C5orf58: variants seen among roughly 807,000 people sequenced by gnomAD.
C5orf58 encodes putative uncharacterized protein C5orf58.
C5orf58 carries 2 observed loss-of-function variants against 2.9 expected under a neutral mutation model. The ratio of observed to expected loss-of-function variants is 0.69; its 90% CI spans 0.28 to 2.18. The LOEUF (loss-of-function observed/expected upper bound fraction) is 2.18. Ranked by LOEUF, C5orf58 falls within the 30% of genes most tolerant of loss-of-function variation. The probability of loss-of-function intolerance (pLI) is 0.13; values close to 1 mark genes in which losing one functional copy is unlikely to be tolerated. For missense variants in C5orf58, 96 were observed against 91.7 expected (o/e 1.05, Z -0.19); for synonymous variants, 37 against 33.4 (o/e 1.11, Z -0.37).
chr5:170,246,274 T>A, downstream of C5orf58: 1 of 592,004 alleles, frequency 1.7e-6, no homozygotes, highest in Non-Finnish European at 2.8e-6. Flanking sequence ...AAGAATGGCT[T>A]AACTTACGTC....
chr5:170,237,953 T>C (rs892882514), intron 3 of C5orf58, among the ~76,000 whole-genome samples: 2 of 152,300 alleles, frequency 1.3e-5, no homozygotes, highest in East Asian at 3.9e-4. Flanking sequence ...ACCCACCAAG[T>C]AGATTTTTCT....
chr5:170,242,181 A>C (rs996333460), intron 3 of C5orf58, among the ~76,000 whole-genome samples: 4 of 150,678 alleles, frequency 2.7e-5, no homozygotes, highest in African/African-American at 9.8e-5. Context: ...TCGTTTTGCC[A>C]GTATTTTATT....
chr5:170,246,095 T>A lies in C5orf58; in HGVS notation c.228T>A (p.Ser76=), dbSNP rs748924232. The change falls in exon 4 of 4, where the codon TCT becomes TCA. Residue 76 remains serine (S), a synonymous_variant. Coordinates refer to ENST00000593851, the MANE Select transcript of C5orf58 (RefSeq NM_001102609.3). Reference sequence around the variant, plus strand: ...AAATATCAGATGTATCCCTTGTTTCTAACAGTTTTTCTATCTGATTTCTTA... The same window carrying A: ...AAATATCAGATGTATCCCTTGTTTCAAACAGTTTTTCTATCTGATTTCTTA... ...ESKISDVSLV[S]NSFSI The A allele has an allele frequency of 6.2e-7, 1 of 1,610,380 alleles. No individual in the cohort carries two copies. Among genetic ancestry groups the A allele is most frequent in the Non-Finnish European group, 8.5e-7 (1 of 1,178,456 alleles).
At chr5:170,250,864 C>G, downstream of C5orf58, 1 of 1,613,642 alleles carries the variant, frequency 6.2e-7, no homozygotes, top group Non-Finnish European at 8.5e-7. Context: ...TTAGAGCTGT[C>G]TCTGACCAGA....
At chr5:170,239,881 C>T (rs1760913763) in intron 3 of C5orf58, among the ~76,000 whole-genome samples, 1 of 152,062 alleles carries the variant, frequency 6.6e-6, no homozygotes, top group South Asian at 2.1e-4. Flanking sequence ...CCCACTAACT[C>T]GTCATCTAGC....
chr5:170,233,845 G>T, intron 1 of C5orf58: 1 of 337,890 alleles, frequency 3.0e-6, no homozygotes, highest in Non-Finnish European at 5.7e-6. Context: ...GGGTGCTCGA[G>T]GGCCTAGGAG....
downstream of C5orf58, chr5:170,248,492 T>C (rs1335153749): frequency 7.8e-6 from 4 of 512,128 alleles, no homozygotes; most frequent in Non-Finnish European, 1.4e-5. Flanking sequence ...TCATGCACTT[T>C]ACAAACATTG....
intron 3 of C5orf58, among the ~76,000 whole-genome samples, chr5:170,240,915 C>T (rs1329905653): frequency 1.8e-4 from 28 of 152,038 alleles, no homozygotes; most frequent in Admixed American, 5.2e-4. Context: ...TTAGGTCTAA[C>T]GCTTAAGTCT....
In C5orf58 at chr5:170,235,018, C is replaced by T. The variant is rs1481812225; in HGVS notation, c.42C>T (p.Asp14=). ...TTACTGATCATAAGCTAAATGTGGA[C>T]AAAGTAATTAAAAATATTAACACAA... is the stretch of plus-strand genomic sequence containing the variant. ...KRVTDHKLNV[D]KVIKNINTIS... is the part of the protein sequence containing the mutation. The change falls in exon 3 of 4, where the codon GAC becomes GAT. Residue 14 remains aspartate, a synonymous_variant. Transcript: ENST00000593851. 1.1e-5 allele frequency: 17 copies of T among 1,550,748 alleles called. No homozygotes were observed. The highest frequency in any genetic ancestry group is 1.5e-5 in the Non-Finnish European group (17 of 1,132,638).
chr5:170,249,494 TTTTTGG>T (rs995898063), downstream of C5orf58, among the ~76,000 whole-genome samples: 8 of 151,824 alleles, frequency 5.3e-5, no homozygotes, highest in Non-Finnish European at 1.0e-4. Flanking sequence ...GGTTGCTCTG[TTTTTGG>T]TTTTGGTTTT....
chr5:170,245,837 A>C lies in C5orf58; in HGVS notation c.95-125A>C, dbSNP rs889536979. On this transcript the variant is annotated intron_variant, in intron 3 of 3. Transcript: ENST00000593851. Reference sequence around the variant, plus strand: ...TTTTAAGTCAGAATGGGACACACTTAAGTTGTGGTTTGATCACTAATCACT... The same window carrying C: ...TTTTAAGTCAGAATGGGACACACTTCAGTTGTGGTTTGATCACTAATCACT... The C allele has an allele frequency of 6.5e-6, 6 of 917,844 alleles. 1 individual carries two copies. In the Admixed American group the frequency reaches 1.4e-4, roughly 21 times the overall value. The allele number at this position is 917,844 out of a possible 1,614,324, so 56.9% of individuals were successfully genotyped here. A position where few individuals can be genotyped will look rare whatever the true frequency, so the allele number is the denominator to read the frequency against.
chr5:170,239,431 A>T (rs1300741007), intron 3 of C5orf58, among the ~76,000 whole-genome samples: 1 of 152,052 alleles, frequency 6.6e-6, no homozygotes, highest in African/African-American at 2.4e-5. Context: ...AAAAATTTAA[A>T]GTTACAGAGG....
chr5:170,235,274 A>G (rs1239488708), intron 3 of C5orf58, among the ~76,000 whole-genome samples: 1 of 152,194 alleles, frequency 6.6e-6, no homozygotes, highest in African/African-American at 2.4e-5. Flanking sequence ...CTGAATTCCC[A>G]TCCCTGACAT....
chr5:170,240,294 A>T (rs1760939367), intron 3 of C5orf58, among the ~76,000 whole-genome samples: 1 of 144,190 alleles, frequency 6.9e-6, no homozygotes, highest in Non-Finnish European at 1.5e-5. Context: ...TATACCCAGT[A>T]ATGGGATGGC....
downstream of C5orf58, chr5:170,248,754 C>G (rs767825448): frequency 6.2e-7 from 1 of 1,609,354 alleles, no homozygotes. Context: ...CTCGGTTTTT[C>G]CCATCAATGA....
At chr5:170,248,488 A>G (rs1033858639), downstream of C5orf58, 1 of 495,672 alleles carries the variant, frequency 2.0e-6, no homozygotes, top group African/African-American at 2.0e-5. Flanking sequence ...TGACTCATGC[A>G]CTTTACAAAC....
intron 3 of C5orf58, among the ~76,000 whole-genome samples, chr5:170,243,597 C>T (rs1761116435): frequency 6.6e-6 from 1 of 151,022 alleles, no homozygotes; most frequent in South Asian, 2.1e-4. Context: ...ACTAGGATCG[C>T]AACCCCTGCC....
chr5:170,239,471 A>G (rs1028367824), intron 3 of C5orf58, among the ~76,000 whole-genome samples: 1 of 152,024 alleles, frequency 6.6e-6, no homozygotes, highest in Non-Finnish European at 1.5e-5. Flanking sequence ...CCCCACAATA[A>G]AAATACTCAA....
downstream of C5orf58, chr5:170,246,241 C>A (rs909688411): frequency 1.3e-6 from 1 of 764,276 alleles, no homozygotes; most frequent in Non-Finnish European, 2.0e-6. Flanking sequence ...AGTTCATGTT[C>A]TTGAAGGCTG....
Sources: gnomAD v4.1 joint callset for allele counts (sites outside exome capture counted in the v4.1 genomes callset) on GRCh38, gnomAD v4.1.1 for gene constraint, MANE v1.5 for transcripts, NCBI Gene and HGNC (gene_info 2026-07-23, HGNC 2026-07-21) for gene names.